The following FAM217A variants were observed in gnomAD, a reference collection of about 807,000 sequenced individuals.
FAM217A encodes protein FAM217A.
Under a neutral mutation model 18.5 loss-of-function variants are expected in FAM217A, and 13 were observed. That is an observed-to-expected ratio of 0.70 (90% CI 0.46 to 1.12). The LOEUF is 1.12. Ranked by LOEUF, FAM217A falls within the 50% of genes most tolerant of loss-of-function variation. FAM217A has a pLI of 0.00. For missense variants in FAM217A, 560 were observed against 575.4 expected (o/e 0.97, Z 0.27); for synonymous variants, 161 against 202.8 (o/e 0.79, Z 1.75).
rs777705821 is a variant in FAM217A, at chr6:4,069,109, T to C, written c.1114A>G (p.Ser372Gly). ...LEQNALKRNWSNAGKYRWNSR... is the reference protein window; with the variant it reads ...LEQNALKRNWGNAGKYRWNSR... ...TTCCATCTATATTTGCCAGCATTGC[T>C]CCAATTCCGTTTTAAAGCATTTTGT... Residue 372 changes from serine (S) to glycine (G), a missense_variant, in exon 7 of 7, where the codon AGC becomes GGC. Transcript: ENST00000274673. The C allele has an allele frequency of 3.7e-6, 6 of 1,614,162 alleles. No homozygotes were observed. The East Asian group carries it at 6.7e-5, about 18-fold the overall frequency.
In FAM217A at chr6:4,068,814, T is replaced by G. The variant is rs148412142; in HGVS notation, c.1409A>C (p.Lys470Thr). The G allele has an allele frequency of 2.4e-4, 391 of 1,614,178 alleles. No homozygotes were observed. In the African/African-American group the frequency reaches 3.1e-3, roughly 13 times the overall value. The change falls in exon 7 of 7, where the codon AAG becomes ACG. Residue 470 changes from lysine to threonine, a missense_variant. Lys to Thr is a moderately conservative substitution (Grantham distance 78). Coordinates refer to ENST00000274673, the MANE Select transcript of FAM217A (RefSeq NM_173563.3). ...KAPKRNFGTK[K>T]KLYRQNIVLN... Reference sequence around the variant, plus strand: ...CACTATATTTTGTCGGTAAAGTTTCTTTTTGGTCCCAAAGTTTCTCTTCGG... The same window carrying G: ...CACTATATTTTGTCGGTAAAGTTTCGTTTTGGTCCCAAAGTTTCTCTTCGG...
In FAM217A at chr6:4,085,311, A is replaced by AAAATATATATATAT. The variant is rs377046907; in HGVS notation, c.19-502_19-501insATATATATATATTT. ...AGAAGTGTTATTCATTGTAAAAAAA[A>AAAATATATATATAT]ATATATATATATATATAAAATATGT... On this transcript the variant is annotated intron_variant, in intron 1 of 8. Transcript: ENST00000639338. Among the ~76,000 whole-genome samples the AAAATATATATATAT allele has an allele frequency of 2.3e-3, 336 of 146,418 alleles. 4 individuals carry two copies. The East Asian group carries it at 0.031, about 13-fold the overall frequency.
At chr6:4,085,311 A>AATATATATAT (rs10636236) in intron 1 of FAM217A, among the ~76,000 whole-genome samples, 34 of 146,426 alleles carry the variant, frequency 2.3e-4, no homozygotes, top group African/African-American at 5.5e-4. Context: ...TGTAAAAAAA[A>AATATATATAT]ATATATATAT....
chr6:4,070,752 C>G lies in FAM217A; in HGVS notation c.303-832G>C, dbSNP rs924363778. 2.0e-5 allele frequency among the ~76,000 whole-genome samples: 3 copies of G among 152,254 alleles called. No individual in the cohort carries two copies. The East Asian group carries it at 5.8e-4, about 29-fold the overall frequency. ...AGGCACAGTGGCTCACACCTGTAAT[C>G]CCAACACTTTGGGAGGCCAAGGCAG... On this transcript the variant is annotated intron_variant, in intron 6 of 6. Coordinates refer to ENST00000274673, the MANE Select transcript of FAM217A (RefSeq NM_173563.3).
upstream of FAM217A, among the ~76,000 whole-genome samples, chr6:4,082,331 C>G (rs923242891): frequency 6.6e-6 from 1 of 152,138 alleles, no homozygotes; most frequent in Admixed American, 6.5e-5. Context: ...AAACAGTACC[C>G]CAAAATGAAG....
Position 4,069,755 on chromosome 6 carries a change from T to TC in FAM217A, c.467dup (p.Asp157ArgfsTer4), listed in dbSNP as rs746985956. On this transcript the variant is annotated frameshift_variant, in exon 7 of 7. Transcript: ENST00000274673. LOFTEE classifies it low-confidence loss of function (END_TRUNC). ...TCTCATTTCTGTTCTTAAAAAAGTC[T>TC]CCATCAGCATAGGGCCAGCAGAGAC... The TC allele has an allele frequency of 6.2e-7, 1 of 1,614,142 alleles. No individual in the cohort carries two copies. The highest frequency in any genetic ancestry group is 1.1e-5 in the South Asian group (1 of 91,080).
intron 2 of FAM217A, among the ~76,000 whole-genome samples, chr6:4,084,398 A>C (rs1251318836): frequency 6.6e-6 from 1 of 152,204 alleles, no homozygotes; most frequent in African/African-American, 2.4e-5. Context: ...AGTGCTTTTG[A>C]ATACATTCTC....
At chr6:4,072,394 C>T (rs950536154) in intron 6 of FAM217A, among the ~76,000 whole-genome samples, 2 of 150,032 alleles carry the variant, frequency 1.3e-5, no homozygotes, top group Non-Finnish European at 3.0e-5. Flanking sequence ...AGCAAACCAC[C>T]ATGGCACGTG....
Position 4,084,953 on chromosome 6 carries a change from GC to G in FAM217A, c.19-144del. 5.0e-6 allele frequency: 3 copies of G among 605,278 alleles called. No homozygotes were observed. The East Asian group carries it at 8.2e-5, about 17-fold the overall frequency. The allele number at this position is 605,278 out of a possible 1,614,324, so 37.5% of individuals were successfully genotyped here. On this transcript the variant is annotated intron_variant, in intron 1 of 8. Transcript: ENST00000639338. ...TAATACACTGCTGGCACCTACGTGGGCTGCTGCCCGGCATAGCAGCTCTCAT... is the reference window on the plus strand; with the variant it reads ...TAATACACTGCTGGCACCTACGTGGGTGCTGCCCGGCATAGCAGCTCTCAT...
rs555361697 is a variant in FAM217A at position 4,084,949 on chromosome 6, G to A, written c.19-139C>T. The A allele has an allele frequency of 3.8e-4, 230 of 605,718 alleles. 1 individual carries two copies. Among genetic ancestry groups the A allele is most frequent in the Non-Finnish European group, 5.9e-4 (200 of 340,290 alleles). 37.5% of individuals were successfully genotyped at this position (605,718 alleles called of 1,614,324 possible). On this transcript the variant is annotated intron_variant, in intron 1 of 8. Transcript: ENST00000639338. Reference sequence around the variant, plus strand: ...TTAATAATACACTGCTGGCACCTACGTGGGCTGCTGCCCGGCATAGCAGCT... The same window carrying A: ...TTAATAATACACTGCTGGCACCTACATGGGCTGCTGCCCGGCATAGCAGCT...
intron 1 of FAM217A, 90 bp from the exon 2 acceptor site, chr6:4,077,538 G>A (rs905287967): frequency 1.8e-6 from 2 of 1,106,122 alleles, no homozygotes; most frequent in African/African-American, 1.5e-5. Flanking sequence ...ATCTAAAGGA[G>A]GTAAGAGAAT....
chr6:4,074,328 T>A, intron 4 of FAM217A, 115 bp downstream of exon 4: 1 of 797,142 alleles, frequency 1.3e-6, no homozygotes, highest in South Asian at 2.1e-5. Context: ...TGTGAAGAAC[T>A]CTACAGAAAT....
At chr6:4,084,619 G>T in exon 2 of FAM217A, 1 of 702,918 alleles carries the variant, frequency 1.4e-6, no homozygotes, top group East Asian at 2.7e-5. Flanking sequence ...TCCCTTTCTG[G>T]TCGTCAGACC....
Position 4,069,919 on chromosome 6 carries a change from C to T in FAM217A, c.304G>A (p.Glu102Lys). 3.9e-6 allele frequency: 6 copies of T among 1,543,380 alleles called. 1 individual carries two copies. The highest frequency in any genetic ancestry group is 2.4e-5 in the South Asian group (2 of 82,398). ...LNEGSTIEKREFKKSSVETGF... is the reference protein window; with the variant it reads ...LNEGSTIEKRKFKKSSVETGF... ...GTTTCCACTGAAGATTTTTTGAATT[C>T]CCTTTAAAAAATAATTTAATTAATG... Residue 102 changes from glutamate (E) to lysine (K), a missense_variant and splice_region_variant, in exon 7 of 7, where the codon GAA becomes AAA. By Grantham distance (56) the Glu-to-Lys change is moderately conservative (BLOSUM62 1). Transcript: ENST00000274673.
At position 4,077,387 on chromosome 6, in the gene FAM217A, T is replaced by TA; in HGVS notation, c.27dup (p.Asn10Ter). The TA allele has an allele frequency of 6.2e-7, 1 of 1,614,222 alleles. No individual in the cohort carries two copies. Among genetic ancestry groups the TA allele is most frequent in the Non-Finnish European group, 8.5e-7 (1 of 1,180,032 alleles). On this transcript the variant is annotated frameshift_variant, in exon 2 of 7. Coordinates refer to ENST00000274673, the MANE Select transcript of FAM217A (RefSeq NM_173563.3). LOFTEE classifies it high-confidence loss of function. Reference sequence around the variant, plus strand: ...GAGATGTTTGACACACGTAGGCTGTTAGCACAGTTCTCATTTCTTCTCCCC... The same window carrying TA: ...GAGATGTTTGACACACGTAGGCTGTTAAGCACAGTTCTCATTTCTTCTCCCC...
chr6:4,076,643 C>T (rs1769813699), intron 2 of FAM217A, among the ~76,000 whole-genome samples: 1 of 152,124 alleles, frequency 6.6e-6, no homozygotes, highest in East Asian at 1.9e-4. Flanking sequence ...CTTTGGAAAG[C>T]CAAGGCGGGT....
chr6:4,069,290 A>G lies in FAM217A; in HGVS notation c.933T>C (p.Thr311=), dbSNP rs765400669. ...IQKERPRLQT[T]FCTPAVTERP... is the part of the protein sequence containing the mutation. ...GTTCAGTAACTGCTGGAGTACAGAAAGTCGTTTGTAGTCTTGGCCTCTCTT... is the reference window on the plus strand; with the variant it reads ...GTTCAGTAACTGCTGGAGTACAGAAGGTCGTTTGTAGTCTTGGCCTCTCTT... The change falls in exon 7 of 7, where the codon ACT becomes ACC. Residue 311 remains threonine (T), a synonymous_variant. Coordinates refer to ENST00000274673, the MANE Select transcript of FAM217A (RefSeq NM_173563.3). 2.5e-5 allele frequency: 41 copies of G among 1,613,992 alleles called. No homozygotes were observed. Among genetic ancestry groups the G allele is most frequent in the Non-Finnish European group, 3.3e-5 (39 of 1,180,036 alleles).
At chr6:4,082,969 A>AC (rs1770398542), upstream of FAM217A, among the ~76,000 whole-genome samples, 1 of 152,202 alleles carries the variant, frequency 6.6e-6, no homozygotes. Context: ...TCAGAGGGCC[A>AC]AACCCTTGGC....
At chr6:4,075,606 A>G (rs1430064923) in intron 2 of FAM217A, among the ~76,000 whole-genome samples, 1 of 152,224 alleles carries the variant, frequency 6.6e-6, no homozygotes, top group Non-Finnish European at 1.5e-5. Flanking sequence ...GAAGATTATA[A>G]CAATTTATTC....
Sources: gnomAD v4.1 joint callset for allele counts (sites outside exome capture counted in the v4.1 genomes callset) on GRCh38, gnomAD v4.1.1 for gene constraint, MANE v1.5 for transcripts, NCBI Gene and HGNC (gene_info 2026-07-23, HGNC 2026-07-21) for gene names.